Variants in BCL9L observed in about 807,000 individuals in gnomAD.
BCL9L encodes the protein B-cell CLL/lymphoma 9-like protein.
BCL9L carries 19 observed loss-of-function variants against 99.4 expected under a neutral mutation model. That is an observed-to-expected ratio of 0.19 (90% CI 0.13 to 0.28). The LOEUF is 0.28. BCL9L is among the 10% of genes least tolerant of loss of function. BCL9L has a pLI of 1.00. For missense variants in BCL9L, 2,023 were observed against 2,101.6 expected (o/e 0.96, Z 0.73); for synonymous variants, 900 against 854.8 (o/e 1.05, Z -0.92).
Position 118,908,270 on chromosome 11 carries a change from C to G in BCL9L, c.412G>C (p.Glu138Gln). Residue 138 changes from glutamate (E) to glutamine (Q), a missense_variant and splice_region_variant, in exon 4 of 10, where the codon GAG (glutamate) becomes CAG (glutamine). Glu to Gln is a conservative substitution (Grantham distance 29). Transcript: ENST00000683865. The stretch of plus-strand genomic sequence containing the variant: ...TCTTAGGGATGAGGAAATGGGGTAC[C>G]TTTGGCCTCTGAATCCAGGGATGGG... ...GTPSLDSEAK[E>Q]VAPRSKRRCV... The G allele has an allele frequency of 1.3e-6, 2 of 1,545,988 alleles. No individual in the cohort carries two copies. Among genetic ancestry groups the G allele is most frequent in the Non-Finnish European group, 1.7e-6 (2 of 1,145,478 alleles).
chr11:118,899,188 C>G lies in BCL9L; in HGVS notation c.3727G>C (p.Gly1243Arg). 6.7e-7 allele frequency: 1 copy of G among 1,491,094 alleles called. No individual in the cohort carries two copies. The highest frequency in any genetic ancestry group is 8.9e-7 in the Non-Finnish European group (1 of 1,119,324). The allele number at this position is 1,491,094 out of a possible 1,614,324, so 92.4% of individuals were successfully genotyped here. ...QQPHGAMAPT[G>R]GGGGGPGLQQ... is the part of the protein sequence containing the mutation. ...AGGCCAGGCCCCCCGCCCCCACCCC[C>G]AGTGGGGGCCATGGCACCATGGGGC... The change falls in exon 10 of 10, where the codon GGG (glycine) becomes CGG (arginine). Residue 1243 changes from glycine (G) to arginine (R), a missense_variant. By Grantham distance (125) the Gly-to-Arg change is moderately radical. This residue lies in a region of BCL9L where 902 missense variants were observed against 888.2 expected (regional missense o/e 1.02). Coordinates refer to ENST00000683865, the MANE Select transcript of BCL9L (RefSeq NM_001378213.1).
At chr11:118,924,493 A>T (rs528775899) in intron 1 of BCL9L, among the ~76,000 whole-genome samples, 1 of 152,146 alleles carries the variant, frequency 6.6e-6, no homozygotes, top group African/African-American at 2.4e-5. Context: ...TTCAAGGGAC[A>T]CTATCCTTCT....
At chr11:118,915,368 C>T (rs547923713) in intron 2 of BCL9L, among the ~76,000 whole-genome samples, 1 of 152,340 alleles carries the variant, frequency 6.6e-6, no homozygotes, top group Admixed American at 6.5e-5. Context: ...TGCCATGGCA[C>T]CCAAATATGT....
At position 118,903,492 on chromosome 11, in the gene BCL9L, G is replaced by C. The variant is rs764387513; in HGVS notation, c.533-40C>G. On this transcript the variant is annotated intron_variant, in intron 5 of 9. Coordinates refer to ENST00000683865, the MANE Select transcript of BCL9L (RefSeq NM_001378213.1). This position sits in a 1 kb window ranked among gnomAD's most constrained non-coding sequence, Gnocchi z 5.6. ...ACAGGGAAAGGGGCTAAGTGGTCTA[G>C]ATACAAGAAGGACCAGCTGATGCCC... is the stretch of plus-strand genomic sequence containing the variant. 1.3e-6 allele frequency: 2 copies of C among 1,598,082 alleles called. No individual in the cohort carries two copies. The highest frequency in any genetic ancestry group is 1.7e-6 in the Non-Finnish European group (2 of 1,167,894).
chr11:118,898,209 CA>C lies in BCL9L; in HGVS notation c.*205del. 1.4e-6 allele frequency: 1 copy of C among 709,106 alleles called. No homozygotes were observed. The highest frequency in any genetic ancestry group is 2.3e-6 in the Non-Finnish European group (1 of 439,592). The allele number at this position is 709,106 out of a possible 1,614,324, so 43.9% of individuals were successfully genotyped here. A position where few individuals can be genotyped will look rare whatever the true frequency, so the allele number is the denominator to read the frequency against. On this transcript the variant is annotated 3_prime_UTR_variant, in exon 10 of 10. Transcript: ENST00000683865. ...CTGGTGGCCGAAATGGAACCAACCC[CA>C]ATGCAAAATCCCCCACCCCACACTG... is the stretch of plus-strand genomic sequence containing the variant.
chr11:118,917,116 C>T (rs1940988286), intron 2 of BCL9L, among the ~76,000 whole-genome samples: 1 of 152,168 alleles, frequency 6.6e-6, no homozygotes, highest in Non-Finnish European at 1.5e-5. Flanking sequence ...CAGCAGGCAC[C>T]AACGATGGGG....
At chr11:118,905,235 A>C (rs939014351) in intron 5 of BCL9L, among the ~76,000 whole-genome samples, 17 of 152,148 alleles carry the variant, frequency 1.1e-4, no homozygotes, top group African/African-American at 4.1e-4. Context: ...CAGGCCGGGC[A>C]CGGTGGCTTA....
chr11:118,915,486 C>T (rs1303487148), intron 2 of BCL9L, among the ~76,000 whole-genome samples: 26 of 152,302 alleles, frequency 1.7e-4, no homozygotes, highest in Non-Finnish European at 3.4e-4. Flanking sequence ...AGACTTGGCT[C>T]CTCCCCTGCC....
rs1940890472 is a variant in BCL9L at position 118,914,046 on chromosome 11, G to C, written c.-76-4031C>G. ...TCCTGTCCCCTGGCACCTGCACCAG[G>C]GTGGGGGTAGGAGATGATCCAGGTG... is the stretch of plus-strand genomic sequence containing the variant. On this transcript the variant is annotated intron_variant, in intron 2 of 9. Transcript: ENST00000683865. The surrounding 1 kb of genome is among the most constrained non-coding windows in gnomAD (Gnocchi z 4.4). 6.6e-6 allele frequency among the ~76,000 whole-genome samples: 1 copy of C among 152,156 alleles called. No individual in the cohort carries two copies. The highest frequency in any genetic ancestry group is 1.5e-5 in the Non-Finnish European group (1 of 68,016).
chr11:118,913,785 G>A (rs1419105013), intron 2 of BCL9L, among the ~76,000 whole-genome samples: 1 of 149,862 alleles, frequency 6.7e-6, no homozygotes, highest in Non-Finnish European at 1.5e-5. Context: ...GGAGGAGCAA[G>A]AAGCTCTCCA....
chr11:118,906,235 T>C (rs1940514066), intron 5 of BCL9L, among the ~76,000 whole-genome samples: 1 of 152,138 alleles, frequency 6.6e-6, no homozygotes. Flanking sequence ...TCTACAATGG[T>C]GCAGTCTGAT....
intron 4 of BCL9L, 44 bp downstream of exon 4, chr11:118,908,226 A>C: frequency 6.6e-7 from 1 of 1,517,320 alleles, no homozygotes; most frequent in Non-Finnish European, 8.8e-7. Flanking sequence ...TGAGCCTTGG[A>C]CTATGGGAGA....
At chr11:118,913,357 G>A (rs1055515983) in intron 2 of BCL9L, among the ~76,000 whole-genome samples, 2 of 152,146 alleles carry the variant, frequency 1.3e-5, no homozygotes, top group Non-Finnish European at 2.9e-5. Flanking sequence ...GGGGGTGATC[G>A]GCGGTTTTGC....
chr11:118,899,814 G>T, intron 9 of BCL9L, 103 bp downstream of exon 9: 1 of 1,442,238 alleles, frequency 6.9e-7, no homozygotes, highest in South Asian at 1.4e-5. Flanking sequence ...CCCACACCCA[G>T]GGCCTTCAGA....
chr11:118,915,494 G>A (rs1940936650), intron 2 of BCL9L, among the ~76,000 whole-genome samples: 1 of 152,172 alleles, frequency 6.6e-6, no homozygotes, highest in Admixed American at 6.5e-5. Context: ...CTCCTCCCCT[G>A]CCCTCCTCTC....
chr11:118,910,200 G>T (rs971774572), intron 2 of BCL9L, 185 bp from the exon 3 acceptor site: 4 of 528,588 alleles, frequency 7.6e-6, no homozygotes, highest in Non-Finnish European at 1.4e-5. Context: ...CATCCCTCCC[G>T]CACCTTGCCC....
At position 118,908,374 on chromosome 11, in the gene BCL9L, G is replaced by A. The variant is rs761712435; in HGVS notation, c.308C>T (p.Pro103Leu). The A allele has an allele frequency of 4.3e-6, 7 of 1,613,832 alleles. No homozygotes were observed. Among genetic ancestry groups the A allele is most frequent in the South Asian group, 1.1e-5 (1 of 91,046 alleles). Residue 103 changes from proline to leucine, a missense_variant, in exon 4 of 10, where the codon CCT becomes CTT. By Grantham distance (98) the Pro-to-Leu change is moderately conservative. This residue lies in a region of BCL9L where 1,116 missense variants were observed against 1,194.6 expected (regional missense o/e 0.93). Transcript: ENST00000683865. ...CACCTTGCCCTTGAGCGAGCTGAAA[G>A]GGGGCACCCCTGCCTGGGGGTTCTT... ...SLKNPQAGVP[P>L]FSSLKGKVKR... is the part of the protein sequence containing the mutation.
rs756665733 is a variant in BCL9L at position 118,902,611 on chromosome 11, C to T, written c.1132G>A (p.Ala378Thr). 6.3e-7 allele frequency: 1 copy of T among 1,599,894 alleles called. No homozygotes were observed. Among genetic ancestry groups the T allele is most frequent in the South Asian group, 1.1e-5 (1 of 91,058 alleles). The change falls in exon 8 of 10, where the codon GCC becomes ACC. Residue 378 changes from alanine to threonine, a missense_variant. Around this residue, in one of 3 missense-constraint regions of BCL9L, gnomAD observed 1,116 missense variants for 1,194.6 expected, o/e 0.93. Transcript: ENST00000683865. The surrounding 1 kb of genome is among the most constrained non-coding windows in gnomAD (Gnocchi z 7.8). ...GGDPSSAPGP[A>T]LLGEAAAPGN... ...GGGGCGGCTGCCTCCCCCAGCAGGG[C>T]AGGGCCGGGGGCACTGCTGGGGTCT...
rs80078690 is a variant in BCL9L at position 118,906,956 on chromosome 11, T to C, written c.532+527A>G. On this transcript the variant is annotated intron_variant, in intron 5 of 9. Coordinates refer to ENST00000683865, the MANE Select transcript of BCL9L (RefSeq NM_001378213.1). ...CCCCATCACTCATGGAAGGACAAGA[T>C]ATAGGCGAATCCATAAAAGAATCAG... Among the ~76,000 whole-genome samples the C allele has an allele frequency of 5.0e-3, 759 of 152,318 alleles. 10 individuals carry two copies. Among genetic ancestry groups the C allele is most frequent in the African/African-American group, 0.017 (725 of 41,566 alleles).
Sources: gnomAD v4.1 joint callset for allele counts (sites outside exome capture counted in the v4.1 genomes callset) on GRCh38, gnomAD v4.1.1 for gene constraint, gnomAD v4.1.1 regional missense constraint, Gnocchi (gnomAD v3.1) non-coding constraint, MANE v1.5 for transcripts, NCBI Gene and HGNC (gene_info 2026-07-23, HGNC 2026-07-21) for gene names.